Variants in LINGO2 observed in about 807,000 individuals in gnomAD.
The protein encoded by LINGO2 is leucine-rich repeat and immunoglobulin-like domain-containing nogo receptor-interacting protein 2.
A neutral mutation model predicts 30.6 loss-of-function variants in LINGO2; 14 were observed. The observed-to-expected ratio is 0.46, with a 90% CI of 0.30 to 0.72. LINGO2 has a LOEUF of 0.72. Among genes scored for constraint, LINGO2 ranks in the 30% least tolerant of loss-of-function variants. The pLI is 0.07. For synonymous variants in LINGO2, 317 were observed against 288.5 expected (o/e 1.10, Z -1.00); for missense variants, 729 against 751.7 (o/e 0.97, Z 0.35).
chr9:29,131,815 G>A, the LINGO2 span, among the ~76,000 whole-genome samples: 1 of 151,734 alleles, frequency 6.6e-6, no homozygotes, highest in Admixed American at 6.6e-5. Flanking sequence ...CCCTAGTTAA[G>A]GGCACTTTAA....
the LINGO2 span, among the ~76,000 whole-genome samples, chr9:28,902,064 G>A: frequency 1.3e-5 from 2 of 152,028 alleles, no homozygotes; most frequent in African/African-American, 4.8e-5. Flanking sequence ...TTTATAAAAA[G>A]ACATAGATTG....
chr9:28,964,039 T>A, the LINGO2 span, among the ~76,000 whole-genome samples: 1 of 151,880 alleles, frequency 6.6e-6, no homozygotes, highest in Non-Finnish European at 1.5e-5. Flanking sequence ...CAAGTGAAGA[T>A]GCAAATGATA....
intron 4 of LINGO2, among the ~76,000 whole-genome samples, chr9:28,041,843 A>G (rs1247544924): frequency 6.6e-6 from 1 of 152,252 alleles, no homozygotes; most frequent in Non-Finnish European, 1.5e-5. Flanking sequence ...AAAAGTTTAT[A>G]AACTCCGTAG....
chr9:28,988,591 T>G, the LINGO2 span, among the ~76,000 whole-genome samples: 1 of 152,214 alleles, frequency 6.6e-6, no homozygotes, highest in Non-Finnish European at 1.5e-5. Flanking sequence ...TTCTGGTTGT[T>G]GTATTGATAC....
chr9:28,027,376 T>G (rs1300490266), intron 4 of LINGO2, among the ~76,000 whole-genome samples: 1 of 152,208 alleles, frequency 6.6e-6, no homozygotes, highest in Admixed American at 6.5e-5. Flanking sequence ...CTACCATGAC[T>G]GAGGCATAGT....
chr9:28,677,806 A>C, the LINGO2 span, among the ~76,000 whole-genome samples: 1 of 152,114 alleles, frequency 6.6e-6, no homozygotes, highest in East Asian at 1.9e-4. Context: ...AAATATCATA[A>C]TTCAGGATAG....
At chr9:28,435,081 A>G (rs1229567688) in intron 2 of LINGO2, among the ~76,000 whole-genome samples, 1 of 152,110 alleles carries the variant, frequency 6.6e-6, no homozygotes, top group East Asian at 1.9e-4. Flanking sequence ...AAACTTTGTC[A>G]CTGGTAATTT....
intron 1 of LINGO2, among the ~76,000 whole-genome samples, chr9:28,543,145 T>C (rs1054360554): frequency 3.3e-5 from 5 of 152,066 alleles, no homozygotes; most frequent in African/African-American, 7.2e-5. Flanking sequence ...ATAAAGACAG[T>C]AGGGAATATG....
chr9:28,575,149 A>T (rs149381360), intron 1 of LINGO2, among the ~76,000 whole-genome samples: 4,258 of 152,230 alleles, frequency 0.028, 193 homozygotes, highest in African/African-American at 0.095. Flanking sequence ...CACGCCTGTA[A>T]TCCCAGCACT....
the LINGO2 span, among the ~76,000 whole-genome samples, chr9:29,115,133 C>T: frequency 6.6e-6 from 1 of 151,996 alleles, no homozygotes; most frequent in South Asian, 2.1e-4. Context: ...AAATTGCTAA[C>T]CCATTTGGCA....
the LINGO2 span, among the ~76,000 whole-genome samples, chr9:28,733,566 C>T: frequency 6.6e-6 from 1 of 152,232 alleles, no homozygotes; most frequent in South Asian, 2.1e-4. Context: ...CCTGTCTCAC[C>T]TAACACACTT....
the LINGO2 span, among the ~76,000 whole-genome samples, chr9:28,918,423 A>G: frequency 6.6e-6 from 1 of 152,200 alleles, no homozygotes; most frequent in Non-Finnish European, 1.5e-5. Flanking sequence ...CACACAGATC[A>G]ATGAAAAATA....
chr9:28,001,266 C>T (rs897186729), intron 5 of LINGO2, among the ~76,000 whole-genome samples: 2 of 152,192 alleles, frequency 1.3e-5, no homozygotes, highest in African/African-American at 4.8e-5. Context: ...CCCTCTTCCA[C>T]ATGCCACAGA....
intron 1 of LINGO2, among the ~76,000 whole-genome samples, chr9:28,516,404 C>T (rs991603574): frequency 2.0e-5 from 3 of 152,162 alleles, no homozygotes; most frequent in African/African-American, 7.2e-5. Context: ...GAGAGAAGTG[C>T]TACGACTTCA....
At chr9:28,913,658 G>C in the LINGO2 span, among the ~76,000 whole-genome samples, 1 of 151,978 alleles carries the variant, frequency 6.6e-6, no homozygotes, top group African/African-American at 2.4e-5. Context: ...GATTTGTCAG[G>C]TCCTTACATC....
At chr9:28,087,359 A>T (rs1326659865) in intron 4 of LINGO2, among the ~76,000 whole-genome samples, 1 of 152,106 alleles carries the variant, frequency 6.6e-6, no homozygotes, top group Non-Finnish European at 1.5e-5. Flanking sequence ...AAGAAAAAGC[A>T]CTTTTAAAAC....
chr9:28,138,236 T>A (rs143710538), intron 4 of LINGO2, among the ~76,000 whole-genome samples: 20 of 152,258 alleles, frequency 1.3e-4, no homozygotes, highest in Non-Finnish European at 2.2e-4. Flanking sequence ...GGCAAAACAG[T>A]TTTCAATTTA....
At chr9:28,289,209 A>G (rs1441219895) in intron 4 of LINGO2, among the ~76,000 whole-genome samples, 2 of 152,210 alleles carry the variant, frequency 1.3e-5, no homozygotes, top group African/African-American at 4.8e-5. Context: ...AACAGAGAAC[A>G]AAAATAAATT....
At chr9:28,903,372 A>T in the LINGO2 span, among the ~76,000 whole-genome samples, 4 of 152,206 alleles carry the variant, frequency 2.6e-5, no homozygotes, top group Non-Finnish European at 5.9e-5. Flanking sequence ...AGGAGATTGA[A>T]TCAGAAATAC....
Sources: gnomAD v4.1 joint callset for allele counts (sites outside exome capture counted in the v4.1 genomes callset) on GRCh38, gnomAD v4.1.1 for gene constraint, MANE v1.5 for transcripts, NCBI Gene and HGNC (gene_info 2026-07-23, HGNC 2026-07-21) for gene names.